Variants in RAI14 observed in about 807,000 individuals in gnomAD.
RAI14 encodes the protein retinoic acid induced 14.
In RAI14, 45 loss-of-function variants were observed where a neutral mutation model predicts 115.4. The observed-to-expected ratio is 0.39, with a 90% CI of 0.31 to 0.50. RAI14 has a LOEUF of 0.50. Among genes scored for constraint, RAI14 ranks in the 20% least tolerant of loss-of-function variants. The pLI is 0.85. For synonymous variants in RAI14, 371 were observed against 415.4 expected (o/e 0.89, Z 1.30); for missense variants, 939 against 1,131.2 (o/e 0.83, Z 2.44).
At chr5:34,690,533 G>T (rs935016614) in intron 2 of RAI14, among the ~76,000 whole-genome samples, 1 of 152,202 alleles carries the variant, frequency 6.6e-6, no homozygotes, top group African/African-American at 2.4e-5. Context: ...CCTATGGATG[G>T]CCTTCAGGTC....
intron 16 of RAI14, among the ~76,000 whole-genome samples, chr5:34,829,098 CATAAGT>C (rs1241272412): frequency 1.3e-5 from 2 of 152,000 alleles, no homozygotes; most frequent in Non-Finnish European, 2.9e-5. Flanking sequence ...GCTGTATTTG[CATAAGT>C]ATATGTACAT....
At chr5:34,779,968 C>T (rs1751400042) in intron 3 of RAI14, among the ~76,000 whole-genome samples, 1 of 152,188 alleles carries the variant, frequency 6.6e-6, no homozygotes, top group Non-Finnish European at 1.5e-5. Context: ...TGACTTCAAA[C>T]TATACTACAA....
At chr5:34,725,412 TAGA>T (rs1297759650) in intron 2 of RAI14, among the ~76,000 whole-genome samples, 1 of 152,016 alleles carries the variant, frequency 6.6e-6, no homozygotes, top group African/African-American at 2.4e-5. Context: ...TTAGAAGCAA[TAGA>T]AGAAGTCACA....
intron 2 of RAI14, among the ~76,000 whole-genome samples, chr5:34,693,923 G>A (rs1351087179): frequency 2.6e-5 from 4 of 152,194 alleles, no homozygotes; most frequent in African/African-American, 9.7e-5. Context: ...TTTGTTTCCT[G>A]AGAGCCAAAT....
At chr5:34,698,212 C>A in intron 2 of RAI14, among the ~76,000 whole-genome samples, 1 of 134,732 alleles carries the variant, frequency 7.4e-6, no homozygotes, top group Non-Finnish European at 1.6e-5. Flanking sequence ...CTCCCTTCCC[C>A]TCCATCTCCT....
At chr5:34,814,223 CATAG>C (rs1415167988) in intron 11 of RAI14, among the ~76,000 whole-genome samples, 2 of 152,084 alleles carry the variant, frequency 1.3e-5, no homozygotes, top group East Asian at 3.9e-4. Flanking sequence ...TTTAAAAATT[CATAG>C]GCCATAAAGA....
chr5:34,816,161 A>G (rs984984374), intron 12 of RAI14, among the ~76,000 whole-genome samples: 37 of 152,326 alleles, frequency 2.4e-4, no homozygotes, highest in Admixed American at 1.5e-3. Flanking sequence ...TAATTTACCA[A>G]TTGACAAATG....
chr5:34,710,298 G>A (rs1235592088), intron 2 of RAI14, among the ~76,000 whole-genome samples: 1 of 152,174 alleles, frequency 6.6e-6, no homozygotes, highest in Non-Finnish European at 1.5e-5. Context: ...TCCTTGGCTT[G>A]TAGGTGCATT....
In RAI14 at chr5:34,681,873, G is replaced by C. The variant is rs373512696; in HGVS notation, c.-48-4999G>C. 3.5e-4 allele frequency among the ~76,000 whole-genome samples: 12 copies of C among 34,588 alleles called. No homozygotes were observed. The East Asian group carries it at 5.3e-3, about 15-fold the overall frequency. The allele number at this position is 34,588 out of a possible 152,430, so 22.7% of individuals were successfully genotyped here. ...CTTTCTTTCTTTTTTTTTTTTTTTT[G>C]AGATGGAGTTTCGCTCTTGTTGCCC... On this transcript the variant is annotated intron_variant, in intron 1 of 17. Coordinates refer to ENST00000265109, the MANE Select transcript of RAI14 (RefSeq NM_015577.3).
intron 11 of RAI14, among the ~76,000 whole-genome samples, chr5:34,813,864 A>C (rs532886407): frequency 6.6e-6 from 1 of 152,142 alleles, no homozygotes. Context: ...ATCTATTTTT[A>C]AAAAAACAGT....
At chr5:34,719,848 A>G (rs1165108365) in intron 2 of RAI14, among the ~76,000 whole-genome samples, 2 of 152,158 alleles carry the variant, frequency 1.3e-5, no homozygotes, top group Non-Finnish European at 2.9e-5. Context: ...TTTCCAATTC[A>G]AAGATATTTT....
In RAI14 at chr5:34,824,323, G is replaced by A. The variant is rs35596529; in HGVS notation, c.2481G>A (p.Glu827=). The change falls in exon 15 of 18, where the codon GAG becomes GAA. Residue 827 remains glutamate (E), a synonymous_variant. Coordinates refer to ENST00000265109, the MANE Select transcript of RAI14 (RefSeq NM_015577.3). The part of the protein sequence containing the change: ...VHSEVVQIRS[E]VSQVKREKEN... ...CAGAGGTTGTCCAGATTAGAAGTGA[G>A]GTCTCACAGGTGAAAAGAGAAAAGG... 1,319 of 1,614,034 alleles carry A rather than the reference G, an allele frequency of 8.2e-4. 17 individuals carry two copies. The African/African-American group carries it at 0.013, about 16-fold the overall frequency.
chr5:34,703,789 A>G (rs1740362974), intron 2 of RAI14, among the ~76,000 whole-genome samples: 1 of 152,208 alleles, frequency 6.6e-6, no homozygotes, highest in Non-Finnish European at 1.5e-5. Flanking sequence ...TTTCGGGGGC[A>G]TCCAGCACAC....
chr5:34,672,872 C>T (rs531243441), intron 1 of RAI14, among the ~76,000 whole-genome samples: 1 of 152,132 alleles, frequency 6.6e-6, no homozygotes, highest in East Asian at 1.9e-4. Flanking sequence ...ACCGTCTGTC[C>T]TTCTCACATT....
chr5:34,816,315 A>G (rs1053213357), intron 12 of RAI14, among the ~76,000 whole-genome samples: 1 of 152,204 alleles, frequency 6.6e-6, no homozygotes, highest in Non-Finnish European at 1.5e-5. Flanking sequence ...TTACTAGATA[A>G]GCAGTCTTCT....
intron 1 of RAI14, among the ~76,000 whole-genome samples, chr5:34,663,219 T>G (rs1394412578): frequency 2.0e-5 from 3 of 152,140 alleles, no homozygotes; most frequent in African/African-American, 7.2e-5. Flanking sequence ...ATCAGTATTT[T>G]AAAAAGTAAC....
intron 2 of RAI14, among the ~76,000 whole-genome samples, chr5:34,689,279 C>T (rs763441805): frequency 2.0e-5 from 3 of 152,132 alleles, no homozygotes; most frequent in Non-Finnish European, 4.4e-5. Flanking sequence ...GTGGGGCACA[C>T]CTATGGTTCC....
At chr5:34,665,602 G>T (rs1743146635) in intron 1 of RAI14, among the ~76,000 whole-genome samples, 1 of 151,562 alleles carries the variant, frequency 6.6e-6, no homozygotes, top group African/African-American at 2.4e-5. Context: ...CAAATCTGAT[G>T]GGGGTTTTGG....
intron 5 of RAI14, among the ~76,000 whole-genome samples, chr5:34,807,466 T>C (rs1379831736): frequency 6.6e-6 from 1 of 151,506 alleles, no homozygotes; most frequent in Non-Finnish European, 1.5e-5. Context: ...GCTGGTTTCG[T>C]GAAGGGGGAC....
Sources: allele counts gnomAD v4.1 joint callset (sites outside exome capture counted in the v4.1 genomes callset), GRCh38; gene constraint gnomAD v4.1.1; transcripts MANE v1.5; gene names NCBI Gene and HGNC (gene_info 2026-07-23, HGNC 2026-07-21).